UNC93A: variants seen among roughly 807,000 people sequenced by gnomAD.
UNC93A encodes unc-93 homolog A, also known as N-acetylglucosamine transporter UNC93A.
Under a neutral mutation model 47.5 loss-of-function variants are expected in UNC93A, and 43 were observed. The ratio of observed to expected loss-of-function variants is 0.91; its 90% CI spans 0.71 to 1.17. The LOEUF (loss-of-function observed/expected upper bound fraction) is 1.17. UNC93A is among the 50% of genes most tolerant of loss of function. The probability of loss-of-function intolerance (pLI) is 0.00; values close to 1 mark genes in which losing one functional copy is unlikely to be tolerated. For missense variants in UNC93A, 605 were observed against 577.6 expected, an observed-to-expected ratio of 1.05 and a Z score of -0.49; for synonymous variants, 280 against 258.0, an observed-to-expected ratio of 1.09 and a Z score of -0.82.
chr6:167,295,673 G>C (rs62438486), intron 2 of UNC93A, among the ~76,000 whole-genome samples: 2,835 of 35,494 alleles, frequency 0.08, 18 homozygotes, highest in Middle Eastern at 0.11. Flanking sequence ...ATCCTCGCCT[G>C]CCTCGTGCTC....
intron 7 of UNC93A, among the ~76,000 whole-genome samples, chr6:167,314,158 C>A (rs548989196): frequency 6.6e-6 from 1 of 152,146 alleles, no homozygotes; most frequent in Non-Finnish European, 1.5e-5. Flanking sequence ...TCCCCACACA[C>A]GGCATTGTCT....
rs79948598 is a variant in UNC93A at position 167,307,793 on chromosome 6, G to A, written c.991G>A (p.Val331Met). 1.7e-5 allele frequency: 27 copies of A among 1,593,572 alleles called. No individual in the cohort carries two copies. Among genetic ancestry groups the A allele is most frequent in the South Asian group, 1.3e-4 (12 of 90,210 alleles). The stretch of plus-strand genomic sequence containing the variant: ...TGCACCCCCAGGCGCGGTGACCCAC[G>A]TGTCCTGCATGATTGCCCTACTGCT... ...VLYVLGAVTH[V>M]SCMIALLLWR... is the part of the protein sequence containing the mutation. Residue 331 changes from valine (V) to methionine (M), a missense_variant, in exon 7 of 8, where the codon GTG becomes ATG. Physicochemically the swap from Val to Met is conservative, Grantham distance 21. Coordinates refer to ENST00000230256, the MANE Select transcript of UNC93A (RefSeq NM_018974.4).
At chr6:167,310,619 C>A (rs943932224) in intron 7 of UNC93A, among the ~76,000 whole-genome samples, 1 of 152,116 alleles carries the variant, frequency 6.6e-6, no homozygotes, top group Non-Finnish European at 1.5e-5. Context: ...GGTGTCTCAC[C>A]CCTGTAATCC....
upstream of UNC93A, among the ~76,000 whole-genome samples, chr6:167,287,289 T>C (rs1456167541): frequency 6.6e-6 from 1 of 152,184 alleles, no homozygotes; most frequent in Non-Finnish European, 1.5e-5. Context: ...GACCTGGTGA[T>C]GCTTGGGTCC....
At position 167,306,025 on chromosome 6, in the gene UNC93A, G is replaced by A. The variant is rs144446179; in HGVS notation, c.951G>A (p.Thr317=). The change falls in exon 6 of 8, where the codon ACG becomes ACA. Residue 317 remains threonine (T), a synonymous_variant. Coordinates refer to ENST00000230256, the MANE Select transcript of UNC93A (RefSeq NM_018974.4). ...SVLYGKVSQY[T]GRAVLYVLGA... Reference sequence around the variant, plus strand: ...TGTATGGAAAGGTCTCGCAGTACACGGGCAGGGCTGTGCTGTACGTGCTGG... The same window carrying A: ...TGTATGGAAAGGTCTCGCAGTACACAGGCAGGGCTGTGCTGTACGTGCTGG... The A allele has an allele frequency of 8.6e-4, 1,385 of 1,614,192 alleles. 1 individual carries two copies. The highest frequency in any genetic ancestry group is 1.5e-3 in the Middle Eastern group (9 of 6,062).
chr6:167,303,952 C>G lies in UNC93A; in HGVS notation c.659C>G (p.Ala220Gly), dbSNP rs34838751. 6.2e-7 allele frequency: 1 copy of G among 1,613,430 alleles called. No individual in the cohort carries two copies. The highest frequency in any genetic ancestry group is 1.3e-5 in the African/African-American group (1 of 74,664). Residue 220 changes from alanine to glycine, a missense_variant, in exon 5 of 8, where the codon GCG (alanine) becomes GGG (glycine). Physicochemically the swap from Ala to Gly is moderately conservative, Grantham distance 60 (BLOSUM62 0). Transcript: ENST00000230256. ...GTCCTGGCTGTCCTGATGATAGCTG[C>G]GTTCCTCCAACCCATACGAGATGTT... is the stretch of plus-strand genomic sequence containing the variant. ...SGVLAVLMIA[A>G]FLQPIRDVQR...
rs543988076 is a variant in UNC93A at position 167,295,488 on chromosome 6, C to CG, written c.270-543dup. ...TGCTCCTCGCCTCCCTCGTGAACCT[C>CG]GCCTCCCTCGTGATCCTCGCCTGCC... On this transcript the variant is annotated intron_variant, in intron 2 of 7. Coordinates refer to ENST00000230256, the MANE Select transcript of UNC93A (RefSeq NM_018974.4). 1.6e-4 allele frequency among the ~76,000 whole-genome samples: 14 copies of CG among 88,328 alleles called. 4 individuals carry two copies. Among genetic ancestry groups the CG allele is most frequent in the African/African-American group, 8.0e-4 (10 of 12,442 alleles). 57.9% of individuals were successfully genotyped at this position (88,328 alleles called of 152,430 possible). A position where few individuals can be genotyped will look rare whatever the true frequency, so the allele number is the denominator to read the frequency against.
At chr6:167,305,815 C>G in intron 5 of UNC93A, 100 bp from the exon 6 acceptor site, 6 of 1,540,482 alleles carry the variant, frequency 3.9e-6, no homozygotes, top group Non-Finnish European at 5.3e-6. Flanking sequence ...GGCCTGCTGG[C>G]CATCTCAGAG....
At chr6:167,306,848 C>G (rs1200051148) in intron 6 of UNC93A, among the ~76,000 whole-genome samples, 3 of 152,220 alleles carry the variant, frequency 2.0e-5, no homozygotes, top group Non-Finnish European at 4.4e-5. Context: ...CTGACAGAGA[C>G]CCTGCTCTTC....
At chr6:167,299,398 G>A (rs888423794) in intron 4 of UNC93A, among the ~76,000 whole-genome samples, 3 of 151,988 alleles carry the variant, frequency 2.0e-5, no homozygotes, top group Admixed American at 1.3e-4. Flanking sequence ...GATGATGTGC[G>A]GCACCAACCT....
At chr6:167,303,576 T>C (rs958321776) in intron 4 of UNC93A, among the ~76,000 whole-genome samples, 4 of 151,824 alleles carry the variant, frequency 2.6e-5, no homozygotes, top group Admixed American at 1.3e-4. Flanking sequence ...AGAAATTGCG[T>C]TGGGGATTAG....
At chr6:167,295,432 T>TCACCTTGTTGTTTGCAATCGCATC (rs1778038068) in intron 2 of UNC93A, among the ~76,000 whole-genome samples, 1 of 139,452 alleles carries the variant, frequency 7.2e-6, no homozygotes, top group African/African-American at 3.1e-5. Flanking sequence ...CTCGTGATCC[T>TCACCTTGTTGTTTGCAATCGCATC]CGGCCTCCCT....
Position 167,315,364 on chromosome 6 carries a change from A to C in UNC93A, c.1286A>C (p.Glu429Ala), listed in dbSNP as rs902420945. The C allele has an allele frequency of 6.2e-7, 1 of 1,613,890 alleles. No individual in the cohort carries two copies. Residue 429 changes from glutamate to alanine, a missense_variant, in exon 8 of 8, where the codon GAG becomes GCG. By Grantham distance (107) the Glu-to-Ala change is moderately radical. Coordinates refer to ENST00000230256, the MANE Select transcript of UNC93A (RefSeq NM_018974.4). ...SLTMVAYGLV[E>A]CVESKNPIRP... Reference sequence around the variant, plus strand: ...ACCATGGTGGCGTATGGGCTTGTGGAGTGCGTGGAGTCCAAGAACCCGATC... The same window carrying C: ...ACCATGGTGGCGTATGGGCTTGTGGCGTGCGTGGAGTCCAAGAACCCGATC...
intron 1 of UNC93A, among the ~76,000 whole-genome samples, chr6:167,293,744 C>T (rs1428819387): frequency 2.0e-5 from 3 of 152,200 alleles, no homozygotes; most frequent in Non-Finnish European, 4.4e-5. Context: ...TCCCCTCGTC[C>T]AAGGACAAAG....
chr6:167,306,386 T>A (rs1295619093), intron 6 of UNC93A, among the ~76,000 whole-genome samples: 1 of 152,058 alleles, frequency 6.6e-6, no homozygotes, highest in Non-Finnish European at 1.5e-5. Flanking sequence ...AAGCCAGTGG[T>A]GAGGCCATGG....
At chr6:167,285,031 C>T (rs1266053997) in intron 1 of UNC93A, among the ~76,000 whole-genome samples, 6 of 151,894 alleles carry the variant, frequency 4.0e-5, no homozygotes, top group Non-Finnish European at 8.8e-5. Context: ...ATTTTCTCCT[C>T]GGCTGTGCCA....
intron 1 of UNC93A, among the ~76,000 whole-genome samples, chr6:167,286,073 A>G (rs1783726946): frequency 6.8e-6 from 1 of 146,072 alleles, no homozygotes; most frequent in South Asian, 2.1e-4. Context: ...GGCTATATGA[A>G]TATATATACA....
chr6:167,296,823 A>G (rs1187093472), intron 3 of UNC93A, among the ~76,000 whole-genome samples: 22 of 152,218 alleles, frequency 1.4e-4, no homozygotes, highest in African/African-American at 5.3e-4. Context: ...CTTTAAGCAC[A>G]GGGCAGAGGA....
At chr6:167,314,388 G>A (rs1038909067) in intron 7 of UNC93A, among the ~76,000 whole-genome samples, 24 of 152,162 alleles carry the variant, frequency 1.6e-4, no homozygotes, top group African/African-American at 4.8e-4. Context: ...TAAGGTCACC[G>A]CACACCCTGC....
Sources: allele counts gnomAD v4.1 joint callset (sites outside exome capture counted in the v4.1 genomes callset), GRCh38; gene constraint gnomAD v4.1.1; transcripts MANE v1.5; gene names NCBI Gene and HGNC (gene_info 2026-07-23, HGNC 2026-07-21).